SEC61A2: variants seen among roughly 807,000 people sequenced by gnomAD.
The protein encoded by SEC61A2 is SEC61 translocon subunit alpha 2.
In SEC61A2, 28 loss-of-function variants were observed where a neutral mutation model predicts 59.9. The observed-to-expected ratio is 0.47, with a 90% CI of 0.35 to 0.64. SEC61A2 has a LOEUF of 0.64. Ranked by LOEUF, SEC61A2 falls within the 30% of genes least tolerant of loss-of-function variation. The pLI is 0.01. For synonymous variants in SEC61A2, 202 were observed against 214.4 expected, an observed-to-expected ratio of 0.94 and a Z score of 0.50; for missense variants, 340 against 585.9, an observed-to-expected ratio of 0.58 and a Z score of 4.33.
rs201212708 is a variant in SEC61A2 at position 12,143,094 on chromosome 10, A to T, written c.142-23A>T. 20 of 1,574,884 alleles carry T rather than the reference A, an allele frequency of 1.3e-5. No individual in the cohort carries two copies. The highest frequency in any genetic ancestry group is 1.7e-5 in the Non-Finnish European group (20 of 1,144,418). Reference sequence around the variant, plus strand: ...CAGCCTTATATAATACAGTTTCATAAACTATTTTGTGTACTATTTTAGATC... The same window carrying T: ...CAGCCTTATATAATACAGTTTCATATACTATTTTGTGTACTATTTTAGATC... On this transcript the variant is annotated intron_variant, in intron 3 of 11. Transcript: ENST00000298428. The surrounding 1 kb of genome is among the most constrained non-coding windows in gnomAD (Gnocchi z 4.8).
At position 12,161,255 on chromosome 10, in the gene SEC61A2, A is replaced by G. The variant is rs1834520430; in HGVS notation, c.1167+134A>G. 1.6e-6 allele frequency: 1 copy of G among 634,514 alleles called. No homozygotes were observed. Among genetic ancestry groups the G allele is most frequent in the African/African-American group, 1.9e-5 (1 of 53,186 alleles). 39.3% of individuals were successfully genotyped at this position (634,514 alleles called of 1,614,324 possible). A position where few individuals can be genotyped will look rare whatever the true frequency, so the allele number is the denominator to read the frequency against. Reference sequence around the variant, plus strand: ...GAGTTTTGAGACCAGCCTGGGCAACATAGCGAGACCCCGTCATGACTAAAA... The same window carrying G: ...GAGTTTTGAGACCAGCCTGGGCAACGTAGCGAGACCCCGTCATGACTAAAA... On this transcript the variant is annotated intron_variant, in intron 10 of 11. Coordinates refer to ENST00000298428, the MANE Select transcript of SEC61A2 (RefSeq NM_018144.4). The surrounding 1 kb of genome is among the most constrained non-coding windows in gnomAD (Gnocchi z 5.4).
chr10:12,132,196 G>T (rs1833765102), intron 1 of SEC61A2, among the ~76,000 whole-genome samples: 1 of 151,564 alleles, frequency 6.6e-6, no homozygotes, highest in Non-Finnish European at 1.5e-5. Flanking sequence ...AGCTATATAC[G>T]AGGCTGAGGC....
In SEC61A2 at chr10:12,156,910, C is replaced by T. The variant is rs1834409881; in HGVS notation, c.620C>T (p.Thr207Ile). ...CGTGTCTGTCTTGATTTTACAGGTA[C>T]TGAGTTTGAGGGTGCAGTCATAGCT... ...SPTTINTGRG[T>I]EFEGAVIALF... The change falls in exon 8 of 12, where the codon ACT becomes ATT. Residue 207 changes from threonine (T) to isoleucine (I), a missense_variant. Physicochemically the swap from Thr to Ile is moderately conservative, Grantham distance 89. This residue lies in a region of SEC61A2 where 283 missense variants were observed against 483.2 expected (regional missense o/e 0.59). Transcript: ENST00000298428. The surrounding 1 kb of genome is among the most constrained non-coding windows in gnomAD (Gnocchi z 5.2). 2.5e-6 allele frequency: 4 copies of T among 1,613,562 alleles called. No homozygotes were observed. The highest frequency in any genetic ancestry group is 3.4e-6 in the Non-Finnish European group (4 of 1,179,794).
rs544328517 is a variant in SEC61A2, at chr10:12,131,188, A to G, written c.7+1394A>G. 2.0e-4 allele frequency among the ~76,000 whole-genome samples: 31 copies of G among 152,260 alleles called. No homozygotes were observed. In the South Asian group the frequency reaches 6.0e-3, roughly 29 times the overall value. ...ACTCCGTCTCGAAATAAACAAACAT[A>G]TATCGGTGACTGCCCATCATTTGTA... is the stretch of plus-strand genomic sequence containing the variant. On this transcript the variant is annotated intron_variant, in intron 1 of 11. Transcript: ENST00000298428.
intron 4 of SEC61A2, among the ~76,000 whole-genome samples, chr10:12,148,851 T>A (rs1268278666): frequency 1.3e-5 from 2 of 152,100 alleles, no homozygotes; most frequent in East Asian, 3.9e-4. Flanking sequence ...TCTTAAACAC[T>A]AAAACATGTT....
Position 12,155,123 on chromosome 10 carries a change from A to T in SEC61A2, c.463-655A>T, listed in dbSNP as rs1834366324. Among the ~76,000 whole-genome samples, 1 of 152,180 alleles carries T rather than the reference A, an allele frequency of 6.6e-6. No homozygotes were observed. Among genetic ancestry groups the T allele is most frequent in the African/African-American group, 2.4e-5 (1 of 41,454 alleles). ...AAAGTCAGTATGCTTTCATTTTTAA[A>T]AACAATATGAGCTTAACCTTAACCG... On this transcript the variant is annotated intron_variant, in intron 6 of 11. Coordinates refer to ENST00000298428, the MANE Select transcript of SEC61A2 (RefSeq NM_018144.4). The surrounding 1 kb of genome is among the most constrained non-coding windows in gnomAD (Gnocchi z 4.3).
At chr10:12,140,743 G>A (rs1435918114) in intron 3 of SEC61A2, among the ~76,000 whole-genome samples, 14 of 151,910 alleles carry the variant, frequency 9.2e-5, no homozygotes, top group Admixed American at 9.2e-4. Flanking sequence ...CTACAGGCAC[G>A]TGCCACCACG....
At chr10:12,138,452 AT>A (rs1481519099) in intron 3 of SEC61A2, among the ~76,000 whole-genome samples, 2 of 152,172 alleles carry the variant, frequency 1.3e-5, no homozygotes, top group Non-Finnish European at 2.9e-5. Context: ...GTTTTGACAA[AT>A]TTGTACACCC....
chr10:12,151,614 AT>A (rs1410852904), intron 6 of SEC61A2, among the ~76,000 whole-genome samples: 2 of 151,280 alleles, frequency 1.3e-5, no homozygotes, highest in East Asian at 3.9e-4. Flanking sequence ...CCGGCCAGGT[AT>A]TTTTTTCTGT....
intron 3 of SEC61A2, 104 bp downstream of exon 3, chr10:12,136,274 T>C (rs1442364468): frequency 2.8e-6 from 2 of 709,588 alleles, no homozygotes; most frequent in Admixed American, 2.3e-5. Context: ...TACATTGAGC[T>C]CAATATATTG....
chr10:12,129,739 A>T lies in SEC61A2; in HGVS notation c.-49A>T, dbSNP rs1417585482. ...GGCCCGAGCCGCGGGAGTCGAGCGA[A>T]GGCAGCGCCGAGGCCGCGGTTTCCC... On this transcript the variant is annotated 5_prime_UTR_variant, in exon 1 of 12. In the 5' UTR this introduces an upstream ATG that the reference lacks. Coordinates refer to ENST00000298428, the MANE Select transcript of SEC61A2 (RefSeq NM_018144.4). This position sits in a 1 kb window ranked among gnomAD's most constrained non-coding sequence, Gnocchi z 5.6. The T allele has an allele frequency of 6.7e-7, 1 of 1,485,486 alleles. No homozygotes were observed. The highest frequency in any genetic ancestry group is 8.9e-7 in the Non-Finnish European group (1 of 1,122,350). The allele number at this position is 1,485,486 out of a possible 1,614,324, so 92.0% of individuals were successfully genotyped here.
intron 1 of SEC61A2, 93 bp from the exon 2 acceptor site, chr10:12,133,148 G>T (rs2131642371): frequency 3.1e-6 from 2 of 648,178 alleles, no homozygotes; most frequent in East Asian, 5.7e-5. Context: ...TGAATTGCTG[G>T]TGAAAGAGAA....
rs570689948 is a variant in SEC61A2 at position 12,158,684 on chromosome 10, C to T, written c.975+579C>T. Among the ~76,000 whole-genome samples, 1 of 152,248 alleles carries T rather than the reference C, an allele frequency of 6.6e-6. No individual in the cohort carries two copies. Among genetic ancestry groups the T allele is most frequent in the Non-Finnish European group, 1.5e-5 (1 of 68,022 alleles). On this transcript the variant is annotated intron_variant, in intron 9 of 11. Transcript: ENST00000298428. This position sits in a 1 kb window ranked among gnomAD's most constrained non-coding sequence, Gnocchi z 5.7. Reference sequence around the variant, plus strand: ...GATGGAGGTTGCTGTGAGCTGAGATCACGCCACTGCACTCCAGCCTGGGCG... The same window carrying T: ...GATGGAGGTTGCTGTGAGCTGAGATTACGCCACTGCACTCCAGCCTGGGCG...
At chr10:12,151,422 C>T (rs1342768330) in intron 6 of SEC61A2, among the ~76,000 whole-genome samples, 1 of 150,562 alleles carries the variant, frequency 6.6e-6, no homozygotes, top group African/African-American at 2.5e-5. Context: ...AGCGATTTTC[C>T]TGCCTCAGCT....
rs772749907 is a variant in SEC61A2, at chr10:12,162,451, C to T, written c.1244+162C>T. On this transcript the variant is annotated intron_variant, in intron 11 of 11. Coordinates refer to ENST00000298428, the MANE Select transcript of SEC61A2 (RefSeq NM_018144.4). This position sits in a 1 kb window ranked among gnomAD's most constrained non-coding sequence, Gnocchi z 6.1. ...AACTTGTTTTCCATGTCAAAACCAA[C>T]ACCTGAATTTTTCATTGAAATTGTG... The T allele has an allele frequency of 3.9e-6, 3 of 775,334 alleles. No individual in the cohort carries two copies. The South Asian group carries it at 4.1e-5, about 10-fold the overall frequency. 48.0% of individuals were successfully genotyped at this position (775,334 alleles called of 1,614,324 possible). A position where few individuals can be genotyped will look rare whatever the true frequency, so the allele number is the denominator to read the frequency against.
At chr10:12,147,395 T>A (rs1277572687) in intron 4 of SEC61A2, among the ~76,000 whole-genome samples, 4 of 152,170 alleles carry the variant, frequency 2.6e-5, no homozygotes, top group Admixed American at 2.0e-4. Context: ...AAATTTTCTA[T>A]ACATGGAGGC....
At position 12,161,185 on chromosome 10, in the gene SEC61A2, C is replaced by A; in HGVS notation, c.1167+64C>A. On this transcript the variant is annotated intron_variant, in intron 10 of 11. Coordinates refer to ENST00000298428, the MANE Select transcript of SEC61A2 (RefSeq NM_018144.4). The surrounding 1 kb of genome is among the most constrained non-coding windows in gnomAD (Gnocchi z 5.4). ...ATGCATGGTGGCGCACATCTGTAATCGTAGCACTTTGGCAGGCTGAGGCCG... is the reference window on the plus strand; with the variant it reads ...ATGCATGGTGGCGCACATCTGTAATAGTAGCACTTTGGCAGGCTGAGGCCG... The A allele has an allele frequency of 1.4e-6, 2 of 1,384,108 alleles. No homozygotes were observed. Among genetic ancestry groups the A allele is most frequent in the South Asian group, 1.4e-5 (1 of 72,106 alleles). 85.7% of individuals were successfully genotyped at this position (1,384,108 alleles called of 1,614,324 possible).
rs35369092 is a variant in SEC61A2, at chr10:12,157,899, CT to C, written c.778-3del. Reference sequence around the variant, plus strand: ...GGCTCCCCCACTTACTCTCCGTTTCCTTTTTTAGGGATTTCGCGTTGATCTG... The same window carrying C: ...GGCTCCCCCACTTACTCTCCGTTTCCTTTTTAGGGATTTCGCGTTGATCTG... On this transcript the variant is annotated splice_region_variant and splice_polypyrimidine_tract_variant and intron_variant, in intron 8 of 11. Transcript: ENST00000298428. The C allele has an allele frequency of 6.2e-7, 1 of 1,613,864 alleles. No homozygotes were observed. The highest frequency in any genetic ancestry group is 1.7e-5 in the Admixed American group (1 of 59,968).
Position 12,164,530 on chromosome 10 carries a change from G to T in SEC61A2, c.*76G>T, listed in dbSNP as rs1211391067. 3.5e-5 allele frequency: 54 copies of T among 1,538,850 alleles called. No individual in the cohort carries two copies. The highest frequency in any genetic ancestry group is 4.6e-5 in the Non-Finnish European group (53 of 1,146,174). On this transcript the variant is annotated 3_prime_UTR_variant, in exon 12 of 12. Transcript: ENST00000298428. This position sits in a 1 kb window ranked among gnomAD's most constrained non-coding sequence, Gnocchi z 7.3. The stretch of plus-strand genomic sequence containing the variant: ...ATCGTTTTTGTCAGATGACACTGGT[G>T]GCTCCCCTTTTCTCCCCTCACAGTT...
Sources: allele counts gnomAD v4.1 joint callset (sites outside exome capture counted in the v4.1 genomes callset), GRCh38; gene constraint gnomAD v4.1.1; regional missense constraint gnomAD v4.1.1; non-coding constraint Gnocchi (gnomAD v3.1); transcripts MANE v1.5; gene names NCBI Gene and HGNC (gene_info 2026-07-23, HGNC 2026-07-21).